CLASP1: variants seen among roughly 807,000 people sequenced by gnomAD.
CLASP1 encodes cytoplasmic linker associated protein 1.
A neutral mutation model predicts 192.3 loss-of-function variants in CLASP1; 38 were observed. The ratio of observed to expected loss-of-function variants is 0.20; its 90% confidence interval spans 0.15 to 0.26. The LOEUF is 0.26. Among genes scored for constraint, CLASP1 ranks in the 10% least tolerant of loss-of-function variants. CLASP1 has a pLI of 1.00. For missense variants in CLASP1, 1,433 were observed against 1,932.5 expected (o/e 0.74, Z 4.85); for synonymous variants, 691 against 712.8 (o/e 0.97, Z 0.49).
chr2:121,524,520 G>T (rs747885064), intron 6 of CLASP1, among the ~76,000 whole-genome samples: 1 of 150,824 alleles, frequency 6.6e-6, no homozygotes, highest in Non-Finnish European at 1.5e-5. Context: ...GCAGTGGCAC[G>T]ATCTTGGCTC....
chr2:121,462,054 A>G (rs953700365), intron 10 of CLASP1, among the ~76,000 whole-genome samples: 2 of 152,152 alleles, frequency 1.3e-5, no homozygotes, highest in African/African-American at 4.8e-5. Context: ...ACTAAGGCAC[A>G]AAGCAGTCAA....
At chr2:121,530,073 T>G (rs1003594415) in intron 3 of CLASP1, among the ~76,000 whole-genome samples, 174 bp downstream of exon 3, 14 of 149,058 alleles carry the variant, frequency 9.4e-5, no homozygotes, top group African/African-American at 3.2e-4. Context: ...CTGCGAGTGC[T>G]TAGGGGGGCT....
intron 1 of CLASP1, among the ~76,000 whole-genome samples, chr2:121,630,140 A>T (rs1302348764): frequency 6.6e-6 from 1 of 151,934 alleles, no homozygotes; most frequent in African/African-American, 2.4e-5. Context: ...GGCTGGTCTC[A>T]AACTCCTGAC....
chr2:121,581,541 T>C (rs2061168224), intron 2 of CLASP1, among the ~76,000 whole-genome samples: 1 of 152,128 alleles, frequency 6.6e-6, no homozygotes. Context: ...CCCAAAGTGC[T>C]GGGATTACAG....
intron 33 of CLASP1, among the ~76,000 whole-genome samples, chr2:121,379,099 G>T (rs1224910104): frequency 6.6e-6 from 1 of 151,822 alleles, no homozygotes; most frequent in African/African-American, 2.4e-5. Context: ...GTGCTGGTAG[G>T]TTCTAGAGCC....
exon 2 of CLASP1, chr2:121,605,759 A>G (rs746516024): frequency 6.2e-7 from 1 of 1,614,050 alleles, no homozygotes; most frequent in Admixed American, 1.7e-5. Flanking sequence ...TTTATCTAAC[A>G]TGGTCTGGTC....
intron 34 of CLASP1, among the ~76,000 whole-genome samples, chr2:121,375,828 T>C (rs2069980855): frequency 6.6e-6 from 1 of 150,662 alleles, no homozygotes; most frequent in South Asian, 2.1e-4. Flanking sequence ...CAGAAAGCCA[T>C]GGTGGTGTCT....
intron 19 of CLASP1, chr2:121,444,874 A>G: frequency 8.9e-7 from 1 of 1,124,838 alleles, no homozygotes; most frequent in South Asian, 1.3e-5. Flanking sequence ...ACTGGGCAAC[A>G]CTCGGTGAGA....
At chr2:121,348,823 TCAGACGGCAG>T in intron 37 of CLASP1, 105 bp from the exon 39 acceptor site, 1 of 1,039,858 alleles carries the variant, frequency 9.6e-7, no homozygotes, top group Non-Finnish European at 1.4e-6. Flanking sequence ...GACCTCAATG[TCAGACGGCAG>T]CCATTGCTTC....
chr2:121,528,941 T>G (rs577806877), intron 3 of CLASP1, among the ~76,000 whole-genome samples, 161 bp from the exon 4 acceptor site: 1 of 152,352 alleles, frequency 6.6e-6, no homozygotes, highest in South Asian at 2.1e-4. Flanking sequence ...CTCTCCTTGC[T>G]GAAGTCCATG....
Position 121,401,814 on chromosome 2 carries a change from C to T in CLASP1, c.2736+54G>A. On this transcript the variant is annotated intron_variant, in intron 27 of 39. Transcript: ENST00000263710. ...ACACTGTTAACAACTGTTCATAGTACAGAAGGAAAATGTAGTGCAGAAAAC... is the reference window on the plus strand; with the variant it reads ...ACACTGTTAACAACTGTTCATAGTATAGAAGGAAAATGTAGTGCAGAAAAC... 5 of 793,884 alleles carry T rather than the reference C, an allele frequency of 6.3e-6. No homozygotes were observed. In the Admixed American group the frequency reaches 8.6e-5, roughly 14 times the overall value. The allele number at this position is 793,884 out of a possible 1,614,324, so 49.2% of individuals were successfully genotyped here.
intron 1 of CLASP1, among the ~76,000 whole-genome samples, chr2:121,641,462 C>T (rs2072059338): frequency 6.6e-6 from 1 of 152,132 alleles, no homozygotes; most frequent in East Asian, 1.9e-4. Flanking sequence ...GTAAAAAGAT[C>T]ACATTCTGAT....
At chr2:121,495,432 G>A (rs1312705521) in intron 8 of CLASP1, among the ~76,000 whole-genome samples, 10 of 151,922 alleles carry the variant, frequency 6.6e-5, no homozygotes, top group Non-Finnish European at 1.0e-4. Flanking sequence ...AGGCTGAGGC[G>A]GGCAGATTGC....
intron 9 of CLASP1, among the ~76,000 whole-genome samples, chr2:121,464,948 G>A (rs1470164442): frequency 1.3e-5 from 2 of 152,118 alleles, no homozygotes; most frequent in Non-Finnish European, 2.9e-5. Context: ...GTAATGCCTA[G>A]GTTTTCTTCC....
intron 7 of CLASP1, among the ~76,000 whole-genome samples, chr2:121,503,479 T>C (rs377235418): frequency 1.3e-5 from 2 of 152,216 alleles, no homozygotes; most frequent in Admixed American, 1.3e-4. Context: ...CTCCTTGAGG[T>C]GACACAGGTG....
At chr2:121,614,413 T>A (rs1012654452) in intron 1 of CLASP1, among the ~76,000 whole-genome samples, 1 of 152,138 alleles carries the variant, frequency 6.6e-6, no homozygotes, top group Admixed American at 6.6e-5. Flanking sequence ...GGGAAATCAC[T>A]TGAGCCTGGG....
chr2:121,356,212 A>T (rs2065354994), intron 37 of CLASP1, among the ~76,000 whole-genome samples: 1 of 152,124 alleles, frequency 6.6e-6, no homozygotes, highest in Admixed American at 6.5e-5. Flanking sequence ...CAGCGTCTTG[A>T]GCTTAGCTAC....
chr2:121,503,755 A>C (rs2093841112), intron 7 of CLASP1: 1 of 152,338 alleles, frequency 6.6e-6, no homozygotes, highest in Non-Finnish European at 1.5e-5. Flanking sequence ...TGACTGGATA[A>C]TCTTCAGCTT....
intron 3 of CLASP1, among the ~76,000 whole-genome samples, chr2:121,529,135 T>C (rs934762): frequency 0.25 from 38,445 of 152,128 alleles, 7,756 homozygotes; most frequent in African/African-American, 0.56. Context: ...GGGGCTCCAG[T>C]ATATGTGTTT....
Sources: allele counts gnomAD v4.1 joint callset (sites outside exome capture counted in the v4.1 genomes callset), GRCh38; gene constraint gnomAD v4.1.1; transcripts MANE v1.5; gene names NCBI Gene and HGNC (gene_info 2026-07-23, HGNC 2026-07-21).